Variants in ZNF394 observed in about 807,000 individuals in gnomAD.
The protein encoded by ZNF394 is zinc finger protein 99.
Under a neutral mutation model 21.8 loss-of-function variants are expected in ZNF394, and 19 were observed. That is an observed-to-expected ratio of 0.87 (90% CI 0.61 to 1.28). The LOEUF is 1.28. Among genes scored for constraint, ZNF394 ranks in the 50% most tolerant of loss-of-function variants. The pLI, the probability that ZNF394 is intolerant of heterozygous loss-of-function variation, is 0.00. For synonymous variants in ZNF394, 294 were observed against 273.3 expected (o/e 1.08, Z -0.75); for missense variants, 683 against 708.6 (o/e 0.96, Z 0.41).
At chr7:99,492,791 T>TA (rs1173024023), downstream of ZNF394, among the ~76,000 whole-genome samples, 2,383 of 132,096 alleles carry the variant, frequency 0.018, 43 homozygotes, top group African/African-American at 0.052. Flanking sequence ...CCCTATCTCT[T>TA]AAAAAAAAAA....
chr7:99,491,771 CAAAAAAAAAAA>C (rs768073826), downstream of ZNF394, among the ~76,000 whole-genome samples: 60 of 34,976 alleles, frequency 1.7e-3, no homozygotes, highest in Non-Finnish European at 2.9e-3. Flanking sequence ...GAATCTGTCT[CAAAAAAAAAAA>C]AAAAAAAAAA....
At chr7:99,487,014 G>A in intron 1 of ZNF394, 1 of 1,614,032 alleles carries the variant, frequency 6.2e-7, no homozygotes, top group Non-Finnish European at 8.5e-7. Flanking sequence ...GTTTTCGGCA[G>A]CTCGCGTATC....
intron 1 of ZNF394, chr7:99,487,218 T>C: frequency 6.2e-7 from 1 of 1,614,180 alleles, no homozygotes; most frequent in Non-Finnish European, 8.5e-7. Context: ...AGATTCACAG[T>C]AAACCGAACA....
downstream of ZNF394, among the ~76,000 whole-genome samples, chr7:99,491,990 A>G (rs572510697): frequency 1.4e-5 from 2 of 145,422 alleles, no homozygotes; most frequent in Admixed American, 6.9e-5. Flanking sequence ...GAAGAATGGC[A>G]TGAACCCGGG....
Position 99,493,418 on chromosome 7 carries a change from G to A in ZNF394, c.*111C>T, listed in dbSNP as rs1322484283. The A allele has an allele frequency of 1.5e-5, 17 of 1,100,162 alleles. No individual in the cohort carries two copies. The highest frequency in any genetic ancestry group is 4.8e-5 in the South Asian group (3 of 62,512). The allele number at this position is 1,100,162 out of a possible 1,614,324, so 68.2% of individuals were successfully genotyped here. A position where few individuals can be genotyped will look rare whatever the true frequency, so the allele number is the denominator to read the frequency against. ...CTTACAGGCATGCACCACCATGCCC[G>A]GCTCATTTTTGTATTTTTAGTAGAG... On this transcript the variant is annotated 3_prime_UTR_variant, in exon 3 of 3. Transcript: ENST00000337673.
chr7:99,486,660 C>T (rs201851514), exon 2 of ZNF394: 2 of 1,614,178 alleles, frequency 1.2e-6, no homozygotes, highest in East Asian at 2.2e-5. Flanking sequence ...GTGATGAATA[C>T]AGCAGGGGCT....
At chr7:99,496,887 CAAG>C (rs1241116940) in intron 2 of ZNF394, among the ~76,000 whole-genome samples, 2 of 150,846 alleles carry the variant, frequency 1.3e-5, no homozygotes, top group Admixed American at 6.6e-5. Flanking sequence ...CAAATGTTGA[CAAG>C]AATATGGAGA....
intron 2 of ZNF394, among the ~76,000 whole-genome samples, chr7:99,497,120 G>GTATATATA (rs1479965665): frequency 7.7e-5 from 7 of 91,362 alleles, no homozygotes; most frequent in African/African-American, 3.5e-4. Context: ...GTGTGTGTGT[G>GTATATATA]TGTATATATA....
chr7:99,486,948 C>A, exon 2 of ZNF394: 1 of 1,614,130 alleles, frequency 6.2e-7, no homozygotes, highest in Non-Finnish European at 8.5e-7. Context: ...CTCTTACGGT[C>A]CATAAACAGT....
chr7:99,493,956 C>G lies in ZNF394; in HGVS notation c.1259G>C (p.Gly420Ala). ...GTGTGAATTCTGCCTGAAGCGCTCC[C>G]CACATTTCAGACAGGTGTACGGCTT... ...GEKPYTCLKC[G>A]ERFRQNSHLN... Residue 420 changes from glycine (G) to alanine (A), a missense_variant, in exon 3 of 3, where the codon GGG becomes GCG. By Grantham distance (60) the Gly-to-Ala change is moderately conservative. Around this residue, in one of 3 missense-constraint regions of ZNF394, gnomAD observed 274 missense variants for 314.1 expected, o/e 0.87. Coordinates refer to ENST00000337673, the MANE Select transcript of ZNF394 (RefSeq NM_032164.4). The G allele has an allele frequency of 6.2e-7, 1 of 1,614,230 alleles. No individual in the cohort carries two copies. Among genetic ancestry groups the G allele is most frequent in the Non-Finnish European group, 8.5e-7 (1 of 1,180,038 alleles).
intron 2 of ZNF394, among the ~76,000 whole-genome samples, chr7:99,497,120 G>GTATATATATATA (rs1479965665): frequency 2.4e-4 from 22 of 91,354 alleles, no homozygotes; most frequent in East Asian, 6.8e-4. Flanking sequence ...GTGTGTGTGT[G>GTATATATATATA]TGTATATATA....
Position 99,499,539 on chromosome 7 carries a change from A to C in ZNF394, c.456+99T>G, listed in dbSNP as rs1800449037. ...GAAGTCCATACACACCCCAATGTTC[A>C]CACGAAATGTAATAAGGAAGTAAGT... On this transcript the variant is annotated intron_variant, in intron 1 of 2. Transcript: ENST00000337673. The C allele has an allele frequency of 2.1e-5, 24 of 1,145,190 alleles. No individual in the cohort carries two copies. The South Asian group carries it at 3.4e-4, about 16-fold the overall frequency. The allele number at this position is 1,145,190 out of a possible 1,614,324, so 70.9% of individuals were successfully genotyped here. A position where few individuals can be genotyped will look rare whatever the true frequency, so the allele number is the denominator to read the frequency against.
rs1362807423 is a variant in ZNF394 at position 99,494,232 on chromosome 7, A to G, written c.983T>C (p.Val328Ala). 2 of 1,614,262 alleles carry G rather than the reference A, an allele frequency of 1.2e-6. No individual in the cohort carries two copies. Among genetic ancestry groups the G allele is most frequent in the Non-Finnish European group, 8.5e-7 (1 of 1,180,050 alleles). The change falls in exon 3 of 3, where the codon GTG becomes GCG. Residue 328 changes from valine (V) to alanine (A), a missense_variant. By Grantham distance (64) the Val-to-Ala change is moderately conservative (BLOSUM62 0). Around this residue, in one of 3 missense-constraint regions of ZNF394, gnomAD observed 274 missense variants for 314.1 expected, o/e 0.87. Transcript: ENST00000337673. ...ACTGTCAGACTTGTGAGGTTTCAGC[A>G]CGTGCCACGTCACCATGTGGAAACT... The part of the protein sequence containing the change: ...KQSFHMVTWH[V>A]LKPHKSDSGD...
At chr7:99,492,789 C>CT (rs1800191303), downstream of ZNF394, among the ~76,000 whole-genome samples, 1 of 146,368 alleles carries the variant, frequency 6.8e-6, no homozygotes, top group Non-Finnish European at 1.5e-5. Context: ...GACCCTATCT[C>CT]TTAAAAAAAA....
At chr7:99,495,286 C>T (rs1386909659) in intron 2 of ZNF394, among the ~76,000 whole-genome samples, 1 of 151,710 alleles carries the variant, frequency 6.6e-6, no homozygotes. Context: ...GGATTACAGG[C>T]GTGAGCCACA....
In ZNF394 at chr7:99,493,828, G is replaced by A; in HGVS notation, c.1387C>T (p.His463Tyr). ...CACTTATAGGGTCTTTCCCCTTTAT[G>A]TAGTCTCTGATGTCTAAAAAGGTTG... ...ISNLFRHQRL[H>Y]KGERPYKCEE... The change falls in exon 3 of 3, where the codon CAT (histidine) becomes TAT (tyrosine). Residue 463 changes from histidine (H) to tyrosine (Y), a missense_variant. This residue lies in a region of ZNF394 where 274 missense variants were observed against 314.1 expected (regional missense o/e 0.87). Coordinates refer to ENST00000337673, the MANE Select transcript of ZNF394 (RefSeq NM_032164.4). 1 of 1,614,116 alleles carries A rather than the reference G, an allele frequency of 6.2e-7. No homozygotes were observed. The highest frequency in any genetic ancestry group is 8.5e-7 in the Non-Finnish European group (1 of 1,180,018).
intron 2 of ZNF394, chr7:99,498,036 C>G (rs1800393244): frequency 6.6e-6 from 1 of 152,152 alleles, no homozygotes; most frequent in African/African-American, 2.4e-5. Context: ...GGCATATTCT[C>G]TTCAAAAACT....
At chr7:99,490,947 G>A (rs776243697), downstream of ZNF394, among the ~76,000 whole-genome samples, 1 of 152,096 alleles carries the variant, frequency 6.6e-6, no homozygotes, top group African/African-American at 2.4e-5. Flanking sequence ...CTATCACCCA[G>A]AAGCCACCTA....
chr7:99,497,122 G>GTGTGTGTATATATA (rs1322382800), intron 2 of ZNF394, among the ~76,000 whole-genome samples: 12 of 79,448 alleles, frequency 1.5e-4, no homozygotes, highest in African/African-American at 2.2e-4. Flanking sequence ...GTGTGTGTGT[G>GTGTGTGTATATATA]TATATATATA....
Sources: gnomAD v4.1 joint callset for allele counts (sites outside exome capture counted in the v4.1 genomes callset) on GRCh38, gnomAD v4.1.1 for gene constraint, gnomAD v4.1.1 regional missense constraint, MANE v1.5 for transcripts, NCBI Gene and HGNC (gene_info 2026-07-23, HGNC 2026-07-21) for gene names.